MMP16: variants seen among roughly 807,000 people sequenced by gnomAD.
MMP16 encodes matrix metallopeptidase 16, also known as matrix metalloproteinase-16.
Under a neutral mutation model 67.8 loss-of-function variants are expected in MMP16, and 12 were observed. That is an observed-to-expected ratio of 0.18 (90% confidence interval 0.11 to 0.29). MMP16 has a LOEUF of 0.29. Among genes scored for constraint, MMP16 ranks in the 10% least tolerant of loss-of-function variants. The pLI, the probability that MMP16 is intolerant of heterozygous loss-of-function variation, is 1.00. For synonymous variants in MMP16, 249 were observed against 255.9 expected (o/e 0.97, Z 0.26); for missense variants, 475 against 765.7 (o/e 0.62, Z 4.48).
At chr8:88,124,145 C>G (rs1807887463) in intron 4 of MMP16, among the ~76,000 whole-genome samples, 1 of 151,800 alleles carries the variant, frequency 6.6e-6, no homozygotes, top group South Asian at 2.1e-4. Flanking sequence ...TGATGACAAA[C>G]CAATTTATTT....
At chr8:88,228,915 CT>C (rs1367379376) in intron 1 of MMP16, among the ~76,000 whole-genome samples, 2 of 151,918 alleles carry the variant, frequency 1.3e-5, no homozygotes, top group Non-Finnish European at 2.9e-5. Flanking sequence ...AACCTCAGCA[CT>C]TTGGGAAGCC....
At chr8:88,170,966 GT>G (rs1808790413) in intron 3 of MMP16, among the ~76,000 whole-genome samples, 1 of 152,166 alleles carries the variant, frequency 6.6e-6, no homozygotes, top group Non-Finnish European at 1.5e-5. Context: ...TTCAGTATGT[GT>G]TCTGAGAGAA....
intron 1 of MMP16, among the ~76,000 whole-genome samples, chr8:88,268,002 A>T (rs1468698230): frequency 6.6e-6 from 1 of 152,180 alleles, no homozygotes; most frequent in Non-Finnish European, 1.5e-5. Flanking sequence ...AAAATAGAAG[A>T]TCCTACCAAC....
At chr8:88,245,476 T>C (rs1217354549) in intron 1 of MMP16, among the ~76,000 whole-genome samples, 1 of 151,894 alleles carries the variant, frequency 6.6e-6, no homozygotes, top group African/African-American at 2.4e-5. Context: ...TGTGTAAGGG[T>C]GAAGAGAAAT....
At chr8:88,282,094 G>GC (rs1317298918) in intron 1 of MMP16, among the ~76,000 whole-genome samples, 1 of 143,330 alleles carries the variant, frequency 7.0e-6, no homozygotes, top group African/African-American at 2.7e-5. Flanking sequence ...GGGGGGGGGG[G>GC]GCGACGGGGT....
At chr8:88,145,334 A>G (rs758843993) in intron 4 of MMP16, among the ~76,000 whole-genome samples, 65 of 152,028 alleles carry the variant, frequency 4.3e-4, no homozygotes, top group Non-Finnish European at 8.2e-4. Flanking sequence ...TAACATATCT[A>G]AAGAAAGAAA....
chr8:88,269,860 CAA>C (rs896781962), intron 1 of MMP16, among the ~76,000 whole-genome samples: 11 of 152,120 alleles, frequency 7.2e-5, no homozygotes, highest in African/African-American at 2.7e-4. Flanking sequence ...CCAGACAAAA[CAA>C]AGAGTTTACT....
chr8:88,240,649 C>T (rs1010071429), intron 1 of MMP16, among the ~76,000 whole-genome samples: 7 of 152,226 alleles, frequency 4.6e-5, no homozygotes, highest in African/African-American at 1.4e-4. Flanking sequence ...GAGGAGAAAA[C>T]GACCAAGTCT....
Position 88,072,961 on chromosome 8 carries a change from A to G in MMP16, c.1222+1644T>C, listed in dbSNP as rs75463598. Among the ~76,000 whole-genome samples the G allele has an allele frequency of 7.0e-3, 1,063 of 152,250 alleles. 3 individuals are homozygous for G. Among genetic ancestry groups the G allele is most frequent in the Non-Finnish European group, 0.012 (811 of 68,008 alleles). On this transcript the variant is annotated intron_variant, in intron 7 of 9. Transcript: ENST00000286614. Reference sequence around the variant, plus strand: ...AAGAGAGTGAGGAGCGGCAAAGCGAATAAAAGTGAGAAGGCCCCGAGGCCA... The same window carrying G: ...AAGAGAGTGAGGAGCGGCAAAGCGAGTAAAAGTGAGAAGGCCCCGAGGCCA...
At chr8:88,193,383 C>T (rs1309046874) in intron 2 of MMP16, among the ~76,000 whole-genome samples, 1 of 151,956 alleles carries the variant, frequency 6.6e-6, no homozygotes, top group Non-Finnish European at 1.5e-5. Flanking sequence ...ACAAAAAGAA[C>T]TTCATGGAGA....
intron 1 of MMP16, among the ~76,000 whole-genome samples, chr8:88,317,513 A>G (rs962015187): frequency 6.6e-6 from 1 of 152,194 alleles, no homozygotes; most frequent in Non-Finnish European, 1.5e-5. Flanking sequence ...TAACTTTTAT[A>G]TGCACTGGGA....
intron 6 of MMP16, among the ~76,000 whole-genome samples, chr8:88,112,581 T>A (rs1809354631): frequency 6.6e-6 from 1 of 151,706 alleles, no homozygotes; most frequent in Non-Finnish European, 1.5e-5. Flanking sequence ...TTGTTTTGAA[T>A]CTCATTTCCT....
chr8:88,323,170 T>C (rs1421926531), intron 1 of MMP16, among the ~76,000 whole-genome samples: 2 of 152,098 alleles, frequency 1.3e-5, no homozygotes, highest in African/African-American at 4.8e-5. Flanking sequence ...AAATAATGCA[T>C]CTTGATTTTT....
At chr8:88,209,133 C>T (rs1267243601) in intron 1 of MMP16, among the ~76,000 whole-genome samples, 1 of 152,024 alleles carries the variant, frequency 6.6e-6, no homozygotes, top group African/African-American at 2.4e-5. Context: ...CATATAAACA[C>T]ATTTTTAGAG....
intron 6 of MMP16, among the ~76,000 whole-genome samples, chr8:88,081,936 T>TC (rs1808758218): frequency 1.3e-5 from 2 of 152,054 alleles, no homozygotes; most frequent in African/African-American, 4.8e-5. Context: ...TATAAAAACA[T>TC]TGGTTGTGAC....
intron 1 of MMP16, among the ~76,000 whole-genome samples, chr8:88,225,241 C>A (rs995304868): frequency 2.6e-5 from 4 of 151,910 alleles, no homozygotes; most frequent in Admixed American, 2.6e-4. Flanking sequence ...GAATAGCTCA[C>A]ACTAATATTA....
chr8:88,258,396 G>A (rs1810337962), intron 1 of MMP16, among the ~76,000 whole-genome samples: 1 of 152,174 alleles, frequency 6.6e-6, no homozygotes, highest in African/African-American at 2.4e-5. Flanking sequence ...AGTTTCCAGT[G>A]AGTCGGCTGT....
intron 4 of MMP16, among the ~76,000 whole-genome samples, chr8:88,144,483 G>A (rs990584769): frequency 1.8e-4 from 28 of 151,724 alleles, no homozygotes; most frequent in Admixed American, 3.9e-4. Context: ...TGTATATTAT[G>A]AAGGGAAAAA....
intron 4 of MMP16, among the ~76,000 whole-genome samples, chr8:88,145,397 G>A (rs1226186681): frequency 6.6e-6 from 1 of 151,828 alleles, no homozygotes; most frequent in East Asian, 1.9e-4. Context: ...TCATATGTAA[G>A]GGCCATCATT....
Sources: gnomAD v4.1 joint callset for allele counts (sites outside exome capture counted in the v4.1 genomes callset) on GRCh38, gnomAD v4.1.1 for gene constraint, MANE v1.5 for transcripts, NCBI Gene and HGNC (gene_info 2026-07-23, HGNC 2026-07-21) for gene names.